The following RIT2 variants were observed in gnomAD, a reference collection of about 807,000 sequenced individuals.
RIT2 encodes Ras like without CAAX 2.
In RIT2, 24 loss-of-function variants were observed where a neutral mutation model predicts 23.7. The observed-to-expected ratio is 1.01, with a 90% CI of 0.73 to 1.43. The LOEUF (loss-of-function observed/expected upper bound fraction) is 1.43, where lower values mean the gene tolerates loss of function less well. RIT2 is among the 40% of genes most tolerant of loss of function. The probability of loss-of-function intolerance (pLI) is 0.00; values close to 1 mark genes in which losing one functional copy is unlikely to be tolerated. For missense variants in RIT2, 236 were observed against 266.9 expected (o/e 0.88, Z 0.81); for synonymous variants, 107 against 91.1 (o/e 1.17, Z -0.99).
intron 2 of RIT2, among the ~76,000 whole-genome samples, chr18:43,031,511 T>C (rs1196048393): frequency 6.6e-6 from 1 of 152,108 alleles, no homozygotes; most frequent in African/African-American, 2.4e-5. Context: ...CAATCTGCTT[T>C]TCCTTTCTAT....
intron 4 of RIT2, among the ~76,000 whole-genome samples, chr18:42,832,949 G>A (rs1164632004): frequency 1.3e-5 from 2 of 151,296 alleles, no homozygotes; most frequent in East Asian, 3.9e-4. Flanking sequence ...AGCTAGTAGG[G>A]AGGCTGAGGC....
At chr18:43,049,331 A>C (rs2144306832) in intron 1 of RIT2, among the ~76,000 whole-genome samples, 1 of 152,314 alleles carries the variant, frequency 6.6e-6, no homozygotes, top group African/African-American at 2.4e-5. Flanking sequence ...CTGCTTCATT[A>C]AATTAATTCA....
intron 2 of RIT2, among the ~76,000 whole-genome samples, chr18:42,997,083 G>C (rs755493535): frequency 6.6e-6 from 1 of 152,086 alleles, no homozygotes; most frequent in African/African-American, 2.4e-5. Context: ...TTGTTTCAGA[G>C]ATATGCACCA....
chr18:43,088,467 A>G (rs767020835), intron 1 of RIT2, among the ~76,000 whole-genome samples: 1 of 152,190 alleles, frequency 6.6e-6, no homozygotes, highest in Non-Finnish European at 1.5e-5. Flanking sequence ...GGATACCTCT[A>G]TTGCATAAAA....
chr18:43,003,019 C>A (rs542627063), intron 2 of RIT2, among the ~76,000 whole-genome samples: 14 of 151,942 alleles, frequency 9.2e-5, no homozygotes, highest in Middle Eastern at 3.4e-3. Context: ...GGGAAAAAAG[C>A]AAGGCATGCA....
At chr18:42,919,819 C>T (rs1161868215) in intron 4 of RIT2, among the ~76,000 whole-genome samples, 2 of 152,034 alleles carry the variant, frequency 1.3e-5, no homozygotes, top group South Asian at 2.1e-4. Flanking sequence ...TTTGCACAGC[C>T]GGTCAGGGTT....
At chr18:43,000,950 C>G (rs1388320190) in intron 2 of RIT2, among the ~76,000 whole-genome samples, 1 of 152,000 alleles carries the variant, frequency 6.6e-6, no homozygotes, top group African/African-American at 2.4e-5. Flanking sequence ...CTCTCTTGGG[C>G]TGTAGGGGGT....
chr18:42,842,005 T>A (rs1185383455), intron 4 of RIT2, among the ~76,000 whole-genome samples: 1 of 152,208 alleles, frequency 6.6e-6, no homozygotes, highest in Non-Finnish European at 1.5e-5. Flanking sequence ...TTCACAAAAA[T>A]TCTTTTGTGG....
At chr18:42,819,518 C>T (rs1380874681) in intron 4 of RIT2, among the ~76,000 whole-genome samples, 1 of 151,942 alleles carries the variant, frequency 6.6e-6, no homozygotes, top group Non-Finnish European at 1.5e-5. Context: ...TATTCTCCAG[C>T]AAAGTGGGTT....
rs72893353 is a variant in RIT2 at position 42,957,497 on chromosome 18, T to C, written c.234+16577A>G. On this transcript the variant is annotated intron_variant, in intron 3 of 4. Transcript: ENST00000326695. ...ACAGTATTTTATCAGTTCATGCAATTTACAATTCACGTAAATTAAATAATT... is the reference window on the plus strand; with the variant it reads ...ACAGTATTTTATCAGTTCATGCAATCTACAATTCACGTAAATTAAATAATT... Among the ~76,000 whole-genome samples the C allele has an allele frequency of 5.8e-4, 89 of 152,204 alleles. No individual in the cohort carries two copies. In the Middle Eastern group the frequency reaches 0.01, roughly 17 times the overall value.
chr18:42,864,020 A>G (rs1907401820), intron 4 of RIT2, among the ~76,000 whole-genome samples: 1 of 150,886 alleles, frequency 6.6e-6, no homozygotes, highest in African/African-American at 2.5e-5. Flanking sequence ...CACAAATTGA[A>G]TGACAAGATT....
chr18:43,035,383 T>A (rs1374724985), intron 1 of RIT2, among the ~76,000 whole-genome samples: 1 of 152,154 alleles, frequency 6.6e-6, no homozygotes, highest in Non-Finnish European at 1.5e-5. Context: ...GCAACATGTT[T>A]ATTAAGTGGA....
chr18:42,895,531 C>T (rs1341829897), intron 4 of RIT2, among the ~76,000 whole-genome samples: 1 of 152,138 alleles, frequency 6.6e-6, no homozygotes, highest in Non-Finnish European at 1.5e-5. Flanking sequence ...GACATGTGAG[C>T]ACAGACTTCA....
chr18:42,995,627 ATGGTC>A (rs886148262), intron 2 of RIT2, among the ~76,000 whole-genome samples: 4 of 152,168 alleles, frequency 2.6e-5, no homozygotes, highest in African/African-American at 9.7e-5. Context: ...CAACGGACTA[ATGGTC>A]TTTTAAAAAC....
chr18:42,934,874 A>G (rs1909413461), intron 3 of RIT2, among the ~76,000 whole-genome samples: 1 of 152,204 alleles, frequency 6.6e-6, no homozygotes, highest in Non-Finnish European at 1.5e-5. Context: ...AGTGCAATTG[A>G]AATCACAGAA....
chr18:42,911,904 C>G (rs965070796), intron 4 of RIT2, among the ~76,000 whole-genome samples: 4 of 151,658 alleles, frequency 2.6e-5, no homozygotes, highest in Admixed American at 1.3e-4. Flanking sequence ...CTTTCAAAAC[C>G]AGAAAAGGGA....
chr18:42,923,745 G>T lies in RIT2; in HGVS notation c.253C>A (p.Arg85=), dbSNP rs777569822. Residue 85 remains arginine (R), a synonymous_variant, in exon 4 of 5, where the codon CGG becomes AGG. Coordinates refer to ENST00000326695, the MANE Select transcript of RIT2 (RefSeq NM_002930.4). ...TCCCCACCTCGCATGTACTGCTCCC[G>T]CATGGCTGTGAATTCTGCCTGCAGG... The part of the protein sequence containing the change: ...TAGQAEFTAM[R]EQYMRGGEGF... 2.5e-6 allele frequency: 4 copies of T among 1,601,298 alleles called. No homozygotes were observed. Among genetic ancestry groups the T allele is most frequent in the African/African-American group, 1.4e-5 (1 of 72,612 alleles).
At chr18:42,895,835 G>T (rs1299568980) in intron 4 of RIT2, among the ~76,000 whole-genome samples, 1 of 152,168 alleles carries the variant, frequency 6.6e-6, no homozygotes, top group Admixed American at 6.5e-5. Context: ...AGCAATATGG[G>T]CTTAGTAAAT....
chr18:42,818,706 A>C (rs1906064822), intron 4 of RIT2, among the ~76,000 whole-genome samples: 1 of 152,088 alleles, frequency 6.6e-6, no homozygotes, highest in Admixed American at 6.6e-5. Context: ...AATCAATCTC[A>C]GAAGACACAG....
Sources: allele counts gnomAD v4.1 joint callset (sites outside exome capture counted in the v4.1 genomes callset), GRCh38; gene constraint gnomAD v4.1.1; transcripts MANE v1.5; gene names NCBI Gene and HGNC (gene_info 2026-07-23, HGNC 2026-07-21).